MAGI1: variants seen among roughly 807,000 people sequenced by gnomAD.
MAGI1 encodes the protein membrane associated guanylate kinase, WW and PDZ domain containing 1.
A neutral mutation model predicts 139.9 loss-of-function variants in MAGI1; 58 were observed. The ratio of observed to expected loss-of-function variants is 0.41; its 90% CI spans 0.34 to 0.52. The LOEUF (loss-of-function observed/expected upper bound fraction) is 0.52, where lower values mean the gene tolerates loss of function less well. Ranked by LOEUF, MAGI1 falls within the 20% of genes least tolerant of loss-of-function variation. The pLI is 0.12. For missense variants in MAGI1, 1,874 were observed against 1,901.6 expected (o/e 0.99, Z 0.27); for synonymous variants, 812 against 737.9 (o/e 1.10, Z -1.63).
At chr3:65,636,395 C>A (rs2084619659) in intron 1 of MAGI1, among the ~76,000 whole-genome samples, 1 of 152,130 alleles carries the variant, frequency 6.6e-6, no homozygotes, top group Non-Finnish European at 1.5e-5. Flanking sequence ...AATTTGCACA[C>A]TCCACTATTT....
At chr3:65,530,790 CGTATATATATATAT>C (rs2078660487) in intron 2 of MAGI1, among the ~76,000 whole-genome samples, 2 of 63,380 alleles carry the variant, frequency 3.2e-5, no homozygotes, top group African/African-American at 9.3e-5. Flanking sequence ...TATATATACA[CGTATATATATATAT>C]ACACACATAT....
intron 1 of MAGI1, among the ~76,000 whole-genome samples, chr3:65,972,652 G>A (rs1257914648): frequency 6.6e-6 from 1 of 152,132 alleles, no homozygotes; most frequent in African/African-American, 2.4e-5. Context: ...AGGACTGGGT[G>A]AGATCAGCTG....
At chr3:65,551,628 A>G (rs565168644) in intron 2 of MAGI1, among the ~76,000 whole-genome samples, 2 of 152,348 alleles carry the variant, frequency 1.3e-5, no homozygotes, top group East Asian at 3.9e-4. Flanking sequence ...ACCCAGTCTC[A>G]GGGAAGTTTA....
At chr3:66,005,454 T>A (rs950382914) in intron 1 of MAGI1, among the ~76,000 whole-genome samples, 1 of 152,214 alleles carries the variant, frequency 6.6e-6, no homozygotes, top group African/African-American at 2.4e-5. Flanking sequence ...ACCATTCCCA[T>A]CAGGATAATA....
chr3:65,453,162 C>T (rs1053642622), intron 6 of MAGI1, 96 bp downstream of exon 6: 7 of 1,050,290 alleles, frequency 6.7e-6, no homozygotes, highest in Non-Finnish European at 1.0e-5. Context: ...AAAAACTCAA[C>T]ATAAGACCCG....
At chr3:65,388,629 G>A (rs1207220205) in intron 14 of MAGI1, among the ~76,000 whole-genome samples, 3 of 151,956 alleles carry the variant, frequency 2.0e-5, no homozygotes, top group African/African-American at 7.3e-5. Context: ...ATTACCATGG[G>A]GGCCAGGGGG....
chr3:65,431,503 T>C (rs1947447535), intron 10 of MAGI1, among the ~76,000 whole-genome samples: 1 of 152,150 alleles, frequency 6.6e-6, no homozygotes, highest in Non-Finnish European at 1.5e-5. Context: ...TTTTATTAAA[T>C]TTGTGATATA....
At chr3:65,550,551 T>C (rs920320269) in intron 2 of MAGI1, among the ~76,000 whole-genome samples, 2 of 152,192 alleles carry the variant, frequency 1.3e-5, no homozygotes, top group East Asian at 1.9e-4. Context: ...TTTATTCATA[T>C]ACAACTTTAG....
At chr3:65,423,185 C>G (rs562674114) in intron 12 of MAGI1, among the ~76,000 whole-genome samples, 1 of 152,266 alleles carries the variant, frequency 6.6e-6, no homozygotes, top group Admixed American at 6.5e-5. Flanking sequence ...TTCTGGGGCC[C>G]TACAGCTCAA....
At chr3:65,671,893 C>T (rs1174799082) in intron 1 of MAGI1, among the ~76,000 whole-genome samples, 1 of 152,052 alleles carries the variant, frequency 6.6e-6, no homozygotes. Context: ...ATAAGGAAAT[C>T]CTCATAAGGA....
At chr3:65,607,124 A>G (rs2082783340) in intron 2 of MAGI1, among the ~76,000 whole-genome samples, 1 of 151,876 alleles carries the variant, frequency 6.6e-6, no homozygotes, top group Admixed American at 6.6e-5. Flanking sequence ...ATAAATAACA[A>G]TAACATAATT....
chr3:65,430,831 G>A lies in MAGI1; in HGVS notation c.1414C>T (p.His472Tyr). 1 of 1,613,554 alleles carries A rather than the reference G, an allele frequency of 6.2e-7. No homozygotes were observed. The highest frequency in any genetic ancestry group is 8.5e-7 in the Non-Finnish European group (1 of 1,179,726). Reference sequence around the variant, plus strand: ...CGACTGCTTTTCCGCAGCTTTGTGTGAATGAACTTGCCTTTCAACTCAGAA... The same window carrying A: ...CGACTGCTTTTCCGCAGCTTTGTGTAAATGAACTTGCCTTTCAACTCAGAA... ...NPSELKGKFI[H>Y]TKLRKSSRGF... The change falls in exon 11 of 23, where the codon CAC (histidine) becomes TAC (tyrosine). Residue 472 changes from histidine to tyrosine, a missense_variant. His to Tyr is a moderately conservative substitution (Grantham distance 83, BLOSUM62 2). Coordinates refer to ENST00000402939, the MANE Select transcript of MAGI1 (RefSeq NM_001033057.2).
chr3:65,375,806 G>A lies in MAGI1; in HGVS notation c.3135C>T (p.Asp1045=), dbSNP rs1942468437. The A allele has an allele frequency of 1.2e-6, 2 of 1,613,974 alleles. No homozygotes were observed. Among genetic ancestry groups the A allele is most frequent in the Admixed American group, 1.7e-5 (1 of 60,000 alleles). Residue 1045 remains aspartate, a synonymous_variant, in exon 18 of 23, where the codon GAC becomes GAT. Transcript: ENST00000402939. ...GCSITNKSHS[D]IVNLIKEAGN... ...CCGCTTCCTTGATTAGGTTCACAAT[G>A]TCTGAATGGGATTTGTTGGTGATGG...
At chr3:66,007,192 T>C (rs1314578038) in intron 1 of MAGI1, among the ~76,000 whole-genome samples, 4 of 152,018 alleles carry the variant, frequency 2.6e-5, no homozygotes, top group Non-Finnish European at 4.4e-5. Context: ...ACACTCAGGG[T>C]ACAGTGCAGA....
chr3:65,691,361 A>G (rs975788878), intron 1 of MAGI1, among the ~76,000 whole-genome samples: 9 of 151,760 alleles, frequency 5.9e-5, no homozygotes, highest in African/African-American at 2.2e-4. Context: ...GTATGTGGCA[A>G]AGTCTGCATA....
intron 1 of MAGI1, among the ~76,000 whole-genome samples, chr3:65,991,143 G>A (rs1234831309): frequency 6.6e-6 from 1 of 151,950 alleles, no homozygotes; most frequent in East Asian, 1.9e-4. Flanking sequence ...GCAAAAATCA[G>A]CCAGGCGTGG....
At chr3:65,559,057 G>A (rs2080216544) in intron 2 of MAGI1, among the ~76,000 whole-genome samples, 1 of 152,088 alleles carries the variant, frequency 6.6e-6, no homozygotes, top group African/African-American at 2.4e-5. Flanking sequence ...AATAGGTGAA[G>A]TTTAAAAAAA....
chr3:65,812,464 T>TCACACACA (rs1266501515), intron 1 of MAGI1, among the ~76,000 whole-genome samples: 1 of 93,654 alleles, frequency 1.1e-5, no homozygotes, highest in African/African-American at 3.6e-5. Context: ...TCTCTCTCTC[T>TCACACACA]CTCTCACACA....
chr3:65,895,754 A>G (rs151074479), intron 1 of MAGI1, among the ~76,000 whole-genome samples: 37 of 152,340 alleles, frequency 2.4e-4, no homozygotes, highest in African/African-American at 8.4e-4. Flanking sequence ...GAAAAACAGT[A>G]TTTATCAGTA....
Sources: gnomAD v4.1 joint callset for allele counts (sites outside exome capture counted in the v4.1 genomes callset) on GRCh38, gnomAD v4.1.1 for gene constraint, MANE v1.5 for transcripts, NCBI Gene and HGNC (gene_info 2026-07-23, HGNC 2026-07-21) for gene names.